TRIM61: variants seen among roughly 807,000 people sequenced by gnomAD.
The protein encoded by TRIM61 is putative tripartite motif-containing protein 61.
A neutral mutation model predicts 14.2 loss-of-function variants in TRIM61; 1 was observed. That is an observed-to-expected ratio of 0.07 (90% CI 0.03 to 0.33). The LOEUF (loss-of-function observed/expected upper bound fraction) is 0.33. TRIM61 is among the 10% of genes least tolerant of loss of function. The probability of loss-of-function intolerance (pLI) is 0.99; values close to 1 mark genes in which losing one functional copy is unlikely to be tolerated. For missense variants in TRIM61, 19 were observed against 202.2 expected (o/e 0.09, Z 5.49); for synonymous variants, 8 against 71.6 (o/e 0.11, Z 4.49).
intron 3 of TRIM61, chr4:164,968,872 A>G (rs1347128822): frequency 5.1e-6 from 5 of 988,172 alleles, no homozygotes; most frequent in Non-Finnish European, 6.0e-6. Context: ...AAATTGGTTG[A>G]CTCTTCCTCC....
At chr4:164,971,590 C>CAA (rs75634308) in intron 2 of TRIM61, among the ~76,000 whole-genome samples, 5 of 64,372 alleles carry the variant, frequency 7.8e-5, no homozygotes, top group Non-Finnish European at 1.7e-4. Flanking sequence ...AACTCTGTCT[C>CAA]AAAAAAAAAA....
chr4:164,964,718 A>G (rs1025209986), intron 3 of TRIM61, among the ~76,000 whole-genome samples: 1 of 152,214 alleles, frequency 6.6e-6, no homozygotes, highest in African/African-American at 2.4e-5. Flanking sequence ...AATATTAAAT[A>G]GTAGCCAGAA....
chr4:164,956,926 G>C, intron 3 of TRIM61: 1 of 1,225,204 alleles, frequency 8.2e-7, no homozygotes, highest in Non-Finnish European at 1.1e-6. Flanking sequence ...CAGTGATTGG[G>C]TGCGGCCGGC....
rs1732043191 is a variant in TRIM61, at chr4:164,957,658, C to A, written c.526-2562G>T. Reference sequence around the variant, plus strand: ...GAATATTAGAGGAAGAGATTAAACTCTGATTTTGAGCACTTTGTGCTTTAT... The same window carrying A: ...GAATATTAGAGGAAGAGATTAAACTATGATTTTGAGCACTTTGTGCTTTAT... On this transcript the variant is annotated intron_variant, in intron 3 of 4. Transcript: ENST00000329314. 9.2e-6 allele frequency: 8 copies of A among 870,308 alleles called. No homozygotes were observed. The South Asian group carries it at 1.6e-4, about 18-fold the overall frequency. 53.9% of individuals were successfully genotyped at this position (870,308 alleles called of 1,614,324 possible).
Position 164,955,027 on chromosome 4 carries a change from G to A in TRIM61, c.595C>T (p.Pro199Ser). ...GAGGCAGAAGAATCGCTTGATCCCG[G>A]GAGGCGGAGGTTGAAGTGAGCCGAG... The change falls in exon 4 of 5, where the codon CCG becomes TCG. Residue 199 changes from proline (P) to serine (S), a missense_variant. Coordinates refer to ENST00000329314, the MANE Select transcript of TRIM61 (RefSeq NM_001012414.3). The A allele has an allele frequency of 3.5e-6, 1 of 283,922 alleles. No individual in the cohort carries two copies. The highest frequency in any genetic ancestry group is 2.8e-5 in the South Asian group (1 of 35,524). 17.6% of individuals were successfully genotyped at this position (283,922 alleles called of 1,614,324 possible).
intron 3 of TRIM61, among the ~76,000 whole-genome samples, chr4:164,956,369 A>C (rs1346517615): frequency 6.6e-6 from 1 of 152,198 alleles, no homozygotes; most frequent in African/African-American, 2.4e-5. Flanking sequence ...CCGGGTATAA[A>C]AGGAAGCTTT....
Position 164,955,819 on chromosome 4 carries a change from C to T in TRIM61, c.526-723G>A, listed in dbSNP as rs560163196. ...GCCTAGTCTCGCTCTTTCCTCAATCCCGATTTAAACTAATTTGGCAGTTTT... is the reference window on the plus strand; with the variant it reads ...GCCTAGTCTCGCTCTTTCCTCAATCTCGATTTAAACTAATTTGGCAGTTTT... On this transcript the variant is annotated intron_variant, in intron 3 of 4. Transcript: ENST00000329314. Among the ~76,000 whole-genome samples, 6 of 152,064 alleles carry T rather than the reference C, an allele frequency of 3.9e-5. No individual in the cohort carries two copies. The South Asian group carries it at 1.2e-3, about 32-fold the overall frequency.
intron 3 of TRIM61, chr4:164,957,226 C>G (rs770638629): frequency 5.6e-6 from 9 of 1,613,708 alleles, no homozygotes; most frequent in Middle Eastern, 3.3e-4. Context: ...CGACCACATT[C>G]GTCCAACAGC....
intron 3 of TRIM61, chr4:164,969,078 T>C (rs2111146430): frequency 9.2e-7 from 1 of 1,082,608 alleles, no homozygotes; most frequent in Admixed American, 5.0e-5. Flanking sequence ...TCTGAGACTA[T>C]AAGTTTACGA....
chr4:164,976,127 G>T (rs1217798844), intron 2 of TRIM61, among the ~76,000 whole-genome samples: 1 of 152,078 alleles, frequency 6.6e-6, no homozygotes, highest in African/African-American at 2.4e-5. Context: ...TCACATGTTT[G>T]TTGCTGACCT....
intron 2 of TRIM61, among the ~76,000 whole-genome samples, chr4:164,972,844 CAAATT>C (rs1732399144): frequency 6.6e-6 from 1 of 152,176 alleles, no homozygotes. Flanking sequence ...ACTTTTTAAA[CAAATT>C]AAATGTTGTT....
At chr4:164,968,859 C>G in intron 3 of TRIM61, 1 of 988,070 alleles carries the variant, frequency 1.0e-6, no homozygotes, top group Non-Finnish European at 1.2e-6. Context: ...CCATCCTGTA[C>G]TAAAATTGGT....
intron 3 of TRIM61, among the ~76,000 whole-genome samples, chr4:164,955,264 G>T (rs1257690886): frequency 2.0e-5 from 3 of 152,072 alleles, no homozygotes; most frequent in African/African-American, 7.2e-5. Flanking sequence ...GCCTCATGCT[G>T]GTTTGCCCTA....
rs1486953389 is a variant in TRIM61, at chr4:164,966,920, C to CT, written c.525+2557dup. ...ACAGTGTGGGTGACAGAGCGAGACTCTATGTCAAAAATAAAAAAAAAATAA... is the reference window on the plus strand; with the variant it reads ...ACAGTGTGGGTGACAGAGCGAGACTCTTATGTCAAAAATAAAAAAAAAATAA... On this transcript the variant is annotated intron_variant, in intron 3 of 4. Coordinates refer to ENST00000329314, the MANE Select transcript of TRIM61 (RefSeq NM_001012414.3). Among the ~76,000 whole-genome samples the CT allele has an allele frequency of 2.0e-5, 3 of 151,242 alleles. No individual in the cohort carries two copies. The East Asian group carries it at 5.8e-4, about 29-fold the overall frequency.
rs369705649 is a variant in TRIM61, at chr4:164,965,213, G to A, written c.525+4265C>T. On this transcript the variant is annotated intron_variant, in intron 3 of 4. Transcript: ENST00000329314. ...TAAGGCGTGAGAGTCGCTTGAATCCGGGAGAGGGAGGCTGCAGTGAGCTGA... is the reference window on the plus strand; with the variant it reads ...TAAGGCGTGAGAGTCGCTTGAATCCAGGAGAGGGAGGCTGCAGTGAGCTGA... Among the ~76,000 whole-genome samples the A allele has an allele frequency of 5.9e-5, 9 of 152,146 alleles. No individual in the cohort carries two copies. In the South Asian group the frequency reaches 1.2e-3, roughly 21 times the overall value.
chr4:164,976,649 G>A (rs1732490195), intron 2 of TRIM61, 39 bp downstream of exon 2: 2 of 152,092 alleles, frequency 1.3e-5, no homozygotes, highest in South Asian at 4.1e-4. Flanking sequence ...CATTCCACTG[G>A]TCCTTTATTA....
intron 3 of TRIM61, chr4:164,958,000 A>T (rs1404173902): frequency 5.9e-6 from 1 of 168,236 alleles, no homozygotes; most frequent in African/African-American, 2.4e-5. Context: ...CTAGATTCTG[A>T]AACAGCAAGT....
intron 3 of TRIM61, among the ~76,000 whole-genome samples, chr4:164,960,526 A>G (rs1732109233): frequency 6.6e-6 from 1 of 151,652 alleles, no homozygotes; most frequent in African/African-American, 2.4e-5. Flanking sequence ...CTGCACTCCA[A>G]TCCGGGCGAC....
intron 2 of TRIM61, 95 bp from the exon 3 acceptor site, chr4:164,970,434 G>C (rs1356552558): frequency 4.0e-5 from 7 of 176,512 alleles, no homozygotes; most frequent in Non-Finnish European, 8.5e-5. Context: ...AAATCATGGG[G>C]TGGAAGTTCT....
Sources: allele counts gnomAD v4.1 joint callset (sites outside exome capture counted in the v4.1 genomes callset), GRCh38; gene constraint gnomAD v4.1.1; transcripts MANE v1.5; gene names NCBI Gene and HGNC (gene_info 2026-07-23, HGNC 2026-07-21).